Variants in TRAPPC5 observed in about 807,000 individuals in gnomAD.
TRAPPC5 encodes the protein trafficking protein particle complex subunit 5, also known as trafficking protein particle complex 5.
In TRAPPC5, 5 loss-of-function variants were observed where a neutral mutation model predicts 9.8. The ratio of observed to expected loss-of-function variants is 0.51; its 90% CI spans 0.27 to 1.07. The LOEUF (loss-of-function observed/expected upper bound fraction) is 1.07, where lower values mean the gene tolerates loss of function less well. TRAPPC5 is among the 50% of genes least tolerant of loss of function. The pLI is 0.12. For synonymous variants in TRAPPC5, 146 were observed against 140.7 expected, an observed-to-expected ratio of 1.04 and a Z score of -0.26; for missense variants, 243 against 291.5, an observed-to-expected ratio of 0.83 and a Z score of 1.21.
rs1348646424 is a variant in TRAPPC5, at chr19:7,684,327, C to A, written c.*1507C>A. The A allele has an allele frequency of 6.6e-6, 1 of 150,774 alleles. No individual in the cohort carries two copies. The highest frequency in any genetic ancestry group is 1.5e-5 in the Non-Finnish European group (1 of 67,742). 9.3% of individuals were successfully genotyped at this position (150,774 alleles called of 1,614,324 possible). Reference sequence around the variant, plus strand: ...TTGGGAGGCTGAGGCAGGTGGATCACCTGAAGTCAGGAGTTCGAGACCAGC... The same window carrying A: ...TTGGGAGGCTGAGGCAGGTGGATCAACTGAAGTCAGGAGTTCGAGACCAGC... On this transcript the variant is annotated 3_prime_UTR_variant, in exon 2 of 2. Coordinates refer to ENST00000596148, the MANE Select transcript of TRAPPC5 (RefSeq NM_001042462.2).
In TRAPPC5 at chr19:7,683,117, TC is replaced by T; in HGVS notation, c.*299del. On this transcript the variant is annotated 3_prime_UTR_variant, in exon 2 of 2. Coordinates refer to ENST00000596148, the MANE Select transcript of TRAPPC5 (RefSeq NM_001042462.2). ...TCTGCAGGCTGGAGGGGGCATGGGGTCCTGGGAGACGCATCAGGCTGAGACA... is the reference window on the plus strand; with the variant it reads ...TCTGCAGGCTGGAGGGGGCATGGGGTCTGGGAGACGCATCAGGCTGAGACA... 1 of 459,652 alleles carries T rather than the reference TC, an allele frequency of 2.2e-6. No individual in the cohort carries two copies. Among genetic ancestry groups the T allele is most frequent in the Admixed American group, 3.8e-5 (1 of 26,172 alleles). 28.5% of individuals were successfully genotyped at this position (459,652 alleles called of 1,614,324 possible).
rs1172298262 is a variant in TRAPPC5, at chr19:7,685,147, G to C, written c.*2327G>C. On this transcript the variant is annotated 3_prime_UTR_variant, in exon 2 of 2. Coordinates refer to ENST00000596148, the MANE Select transcript of TRAPPC5 (RefSeq NM_001042462.2). ...TAGCTGGGCGTGGTGGCAGGCACCT[G>C]TAATCCCAGCTACTTGGGAGGCTAA... is the stretch of plus-strand genomic sequence containing the variant. 6.6e-6 allele frequency: 1 copy of C among 152,096 alleles called. No individual in the cohort carries two copies. Among genetic ancestry groups the C allele is most frequent in the Admixed American group, 6.5e-5 (1 of 15,268 alleles). The allele number at this position is 152,096 out of a possible 1,614,324, so 9.4% of individuals were successfully genotyped here. A position where few individuals can be genotyped will look rare whatever the true frequency, so the allele number is the denominator to read the frequency against.
At position 7,682,445 on chromosome 19, in the gene TRAPPC5, C is replaced by T. The variant is rs1192760960; in HGVS notation, c.192C>T (p.Arg64=). ...CGCTGGGCCGCCAGGTGGGCGCGCG[C>T]GTGCTGGATGCGCTGGTGGCGCGCG... is the stretch of plus-strand genomic sequence containing the variant. ...LAALGRQVGA[R]VLDALVAREK... is the part of the protein sequence containing the mutation. The change falls in exon 2 of 2, where the codon CGC becomes CGT. Residue 64 remains arginine (R), a synonymous_variant. Coordinates refer to ENST00000596148, the MANE Select transcript of TRAPPC5 (RefSeq NM_001042462.2). The surrounding 1 kb of genome is among the most constrained non-coding windows in gnomAD (Gnocchi z 8.6). 1 of 1,606,824 alleles carries T rather than the reference C, an allele frequency of 6.2e-7. No homozygotes were observed. The highest frequency in any genetic ancestry group is 8.5e-7 in the Non-Finnish European group (1 of 1,177,036).
In TRAPPC5 at chr19:7,682,715, C is replaced by T. The variant is rs1184570332; in HGVS notation, c.462C>T (p.Ser154=). ...TCGTGGAGGCGGTGCTCACACACAG[C>T]GGCTTCCCTGCCAAGGTCACGGCGC... ...AGIVEAVLTH[S]GFPAKVTAHW... Residue 154 remains serine (S), a synonymous_variant, in exon 2 of 2, where the codon AGC becomes AGT. Coordinates refer to ENST00000596148, the MANE Select transcript of TRAPPC5 (RefSeq NM_001042462.2). This position sits in a 1 kb window ranked among gnomAD's most constrained non-coding sequence, Gnocchi z 8.6. 3.7e-6 allele frequency: 6 copies of T among 1,612,326 alleles called. No individual in the cohort carries two copies. The highest frequency in any genetic ancestry group is 2.2e-5 in the East Asian group (1 of 44,804).
Position 7,682,336 on chromosome 19 carries a change from C to T in TRAPPC5, c.83C>T (p.Ala28Val). 6.4e-7 allele frequency: 1 copy of T among 1,552,752 alleles called. No homozygotes were observed. The highest frequency in any genetic ancestry group is 8.7e-7 in the Non-Finnish European group (1 of 1,151,844). ...ARPRTEVSLS[A>V]FALLFSELVQ... is the part of the protein sequence containing the mutation. ...CCGCGCACCGAGGTGAGCCTGAGCG[C>T]CTTCGCACTGCTGTTCTCCGAGCTG... is the stretch of plus-strand genomic sequence containing the variant. The change falls in exon 2 of 2, where the codon GCC becomes GTC. Residue 28 changes from alanine (A) to valine (V), a missense_variant. Ala to Val is a moderately conservative substitution (Grantham distance 64, BLOSUM62 0). This residue lies in a region of TRAPPC5 where 89 missense variants were observed against 75.7 expected (regional missense o/e 1.18). Coordinates refer to ENST00000596148, the MANE Select transcript of TRAPPC5 (RefSeq NM_001042462.2). This position sits in a 1 kb window ranked among gnomAD's most constrained non-coding sequence, Gnocchi z 8.6.
Position 7,683,164 on chromosome 19 carries a change from G to A in TRAPPC5, c.*344G>A. On this transcript the variant is annotated 3_prime_UTR_variant, in exon 2 of 2. Coordinates refer to ENST00000596148, the MANE Select transcript of TRAPPC5 (RefSeq NM_001042462.2). ...AGACAGACGCCTTTAGACTGGGGGTGGGCAAACTGCGCAAAGTGCCAGATG... is the reference window on the plus strand; with the variant it reads ...AGACAGACGCCTTTAGACTGGGGGTAGGCAAACTGCGCAAAGTGCCAGATG... The A allele has an allele frequency of 3.3e-6, 1 of 306,470 alleles. No individual in the cohort carries two copies. The highest frequency in any genetic ancestry group is 6.1e-6 in the Non-Finnish European group (1 of 164,552). The allele number at this position is 306,470 out of a possible 1,614,324, so 19.0% of individuals were successfully genotyped here.
In TRAPPC5 at chr19:7,681,348, G is replaced by GCTCCC. The variant is rs1384323003; in HGVS notation, c.-13+472_-13+476dup. Among the ~76,000 whole-genome samples the GCTCCC allele has an allele frequency of 6.6e-6, 1 of 152,042 alleles. No homozygotes were observed. Among genetic ancestry groups the GCTCCC allele is most frequent in the East Asian group, 1.9e-4 (1 of 5,174 alleles). ...CCCCTCCGATCCCGTCTCGGCGCCC[G>GCTCCC]CTCCCCACCCCATTTCTCTTCAGGA... On this transcript the variant is annotated intron_variant, in intron 1 of 1. Transcript: ENST00000596148. The surrounding 1 kb of genome is among the most constrained non-coding windows in gnomAD (Gnocchi z 8.7).
Position 7,682,230 on chromosome 19 carries a change from G to A in TRAPPC5, c.-12-12G>A. On this transcript the variant is annotated splice_polypyrimidine_tract_variant and intron_variant, in intron 1 of 1. Transcript: ENST00000596148. The surrounding 1 kb of genome is among the most constrained non-coding windows in gnomAD (Gnocchi z 8.6). ...TTGCCCCTGACACCTGCACTTCCTGGTCTCCCCGCAGGGTGGCGGCGGCAT... is the reference window on the plus strand; with the variant it reads ...TTGCCCCTGACACCTGCACTTCCTGATCTCCCCGCAGGGTGGCGGCGGCAT... 2.2e-6 allele frequency: 3 copies of A among 1,384,754 alleles called. No homozygotes were observed. The highest frequency in any genetic ancestry group is 2.8e-6 in the Non-Finnish European group (3 of 1,077,070). The allele number at this position is 1,384,754 out of a possible 1,614,324, so 85.8% of individuals were successfully genotyped here.
chr19:7,686,871 G>C lies in TRAPPC5; in HGVS notation c.*4051G>C, dbSNP rs747424363. ...AGGTTCTCACTGTCGCCCAGGCTGA[G>C]AGCAGGGGCACAATCCTCCCACCTC... On this transcript the variant is annotated 3_prime_UTR_variant, in exon 2 of 2. Coordinates refer to ENST00000596148, the MANE Select transcript of TRAPPC5 (RefSeq NM_001042462.2). The C allele has an allele frequency of 1.3e-5, 2 of 152,122 alleles. No individual in the cohort carries two copies. The highest frequency in any genetic ancestry group is 2.4e-5 in the African/African-American group (1 of 41,388). 9.4% of individuals were successfully genotyped at this position (152,122 alleles called of 1,614,324 possible).
chr19:7,686,100 GA>G lies in TRAPPC5; in HGVS notation c.*3283del, dbSNP rs2032713668. ...AGGCGGGGCTGTGAGGGATGTCAGA[GA>G]AATCGGGAGGGAGGAAGAGGGGCTG... is the stretch of plus-strand genomic sequence containing the variant. On this transcript the variant is annotated 3_prime_UTR_variant, in exon 2 of 2. Transcript: ENST00000596148. 6.6e-6 allele frequency: 1 copy of G among 152,462 alleles called. No homozygotes were observed. The highest frequency in any genetic ancestry group is 2.4e-5 in the African/African-American group (1 of 41,458). The allele number at this position is 152,462 out of a possible 1,614,324, so 9.4% of individuals were successfully genotyped here.
Position 7,682,132 on chromosome 19 carries a change from T to C in TRAPPC5, c.-12-110T>C. The stretch of plus-strand genomic sequence containing the variant: ...AAGTCGGCACTGGAGCACACAACAG[T>C]GGCATGGGTCGAGGGTGTCCCAGGG... On this transcript the variant is annotated intron_variant, in intron 1 of 1. Coordinates refer to ENST00000596148, the MANE Select transcript of TRAPPC5 (RefSeq NM_001042462.2). The surrounding 1 kb of genome is among the most constrained non-coding windows in gnomAD (Gnocchi z 8.6). The C allele has an allele frequency of 1.1e-6, 1 of 870,892 alleles. No homozygotes were observed. The highest frequency in any genetic ancestry group is 2.2e-5 in the South Asian group (1 of 44,550). 53.9% of individuals were successfully genotyped at this position (870,892 alleles called of 1,614,324 possible).
rs1283456370 is a variant in TRAPPC5, at chr19:7,683,207, T to C, written c.*387T>C. 1.9e-5 allele frequency: 4 copies of C among 207,580 alleles called. No homozygotes were observed. The highest frequency in any genetic ancestry group is 5.4e-5 in the Admixed American group (1 of 18,358). The allele number at this position is 207,580 out of a possible 1,614,324, so 12.9% of individuals were successfully genotyped here. ...GCCAGATGGGCAATATTTTATGCCA[T>C]GTGGTCTTTATTATTATTTTTTTTA... On this transcript the variant is annotated 3_prime_UTR_variant, in exon 2 of 2. Coordinates refer to ENST00000596148, the MANE Select transcript of TRAPPC5 (RefSeq NM_001042462.2).
chr19:7,681,062 G>A lies in TRAPPC5; in HGVS notation c.-13+184G>A, dbSNP rs1429334641. The stretch of plus-strand genomic sequence containing the variant: ...CCCCAGTGTAGAGGTACGGGGCGAG[G>A]GTCGCGGGGCCCTGACCCTACGGCA... On this transcript the variant is annotated intron_variant, in intron 1 of 1. Transcript: ENST00000596148. This position sits in a 1 kb window ranked among gnomAD's most constrained non-coding sequence, Gnocchi z 8.7. 7.9e-5 allele frequency: 12 copies of A among 151,710 alleles called. 1 individual carries two copies. The highest frequency in any genetic ancestry group is 7.9e-4 in the Admixed American group (12 of 15,236). The allele number at this position is 151,710 out of a possible 1,614,324, so 9.4% of individuals were successfully genotyped here. A position where few individuals can be genotyped will look rare whatever the true frequency, so the allele number is the denominator to read the frequency against.
rs1342341544 is a variant in TRAPPC5 at position 7,683,165 on chromosome 19, GGCAAACTGC to G, written c.*351_*359del. The G allele has an allele frequency of 3.3e-6, 1 of 302,934 alleles. No homozygotes were observed. The highest frequency in any genetic ancestry group is 2.2e-5 in the African/African-American group (1 of 46,200). 18.8% of individuals were successfully genotyped at this position (302,934 alleles called of 1,614,324 possible). A position where few individuals can be genotyped will look rare whatever the true frequency, so the allele number is the denominator to read the frequency against. On this transcript the variant is annotated 3_prime_UTR_variant, in exon 2 of 2. Transcript: ENST00000596148. ...GACAGACGCCTTTAGACTGGGGGTGGGCAAACTGCGCAAAGTGCCAGATGGGCAATATTT... is the reference window on the plus strand; with the variant it reads ...GACAGACGCCTTTAGACTGGGGGTGGGCAAAGTGCCAGATGGGCAATATTT...
chr19:7,682,732 TCACGG>T lies in TRAPPC5; in HGVS notation c.481_485del (p.Thr161AlafsTer88). 6.2e-7 allele frequency: 1 copy of T among 1,612,216 alleles called. No individual in the cohort carries two copies. The highest frequency in any genetic ancestry group is 1.1e-5 in the South Asian group (1 of 90,770). ...ACACACAGCGGCTTCCCTGCCAAGGTCACGGCGCACTGGCACAAGGGCACCACGCT... is the reference window on the plus strand; with the variant it reads ...ACACACAGCGGCTTCCCTGCCAAGGTCGCACTGGCACAAGGGCACCACGCT... On this transcript the variant is annotated frameshift_variant, in exon 2 of 2. Coordinates refer to ENST00000596148, the MANE Select transcript of TRAPPC5 (RefSeq NM_001042462.2). LOFTEE classifies it high-confidence loss of function. The surrounding 1 kb of genome is among the most constrained non-coding windows in gnomAD (Gnocchi z 8.6).
Position 7,683,019 on chromosome 19 carries a change from T to G in TRAPPC5, c.*199T>G. 1 of 591,788 alleles carries G rather than the reference T, an allele frequency of 1.7e-6. No homozygotes were observed. The highest frequency in any genetic ancestry group is 2.9e-6 in the Non-Finnish European group (1 of 339,850). The allele number at this position is 591,788 out of a possible 1,614,324, so 36.7% of individuals were successfully genotyped here. Reference sequence around the variant, plus strand: ...GGGGGTTGAGTGAGACCAGGAGTGGTGGGGAGAAATAAACCCGGCAAAAGG... The same window carrying G: ...GGGGGTTGAGTGAGACCAGGAGTGGGGGGGAGAAATAAACCCGGCAAAAGG... On this transcript the variant is annotated 3_prime_UTR_variant, in exon 2 of 2. Transcript: ENST00000596148.
Position 7,682,333 on chromosome 19 carries a change from G to T in TRAPPC5, c.80G>T (p.Ser27Ile). 1 of 1,543,992 alleles carries T rather than the reference G, an allele frequency of 6.5e-7. No homozygotes were observed. ...LARPRTEVSLSAFALLFSELV... is the reference protein window; with the variant it reads ...LARPRTEVSLIAFALLFSELV... ...CGGCCGCGCACCGAGGTGAGCCTGA[G>T]CGCCTTCGCACTGCTGTTCTCCGAG... The change falls in exon 2 of 2, where the codon AGC becomes ATC. Residue 27 changes from serine (S) to isoleucine (I), a missense_variant. By Grantham distance (142) the Ser-to-Ile change is moderately radical. Coordinates refer to ENST00000596148, the MANE Select transcript of TRAPPC5 (RefSeq NM_001042462.2). The surrounding 1 kb of genome is among the most constrained non-coding windows in gnomAD (Gnocchi z 8.6).
Position 7,681,784 on chromosome 19 carries a change from A to T in TRAPPC5, c.-12-458A>T, listed in dbSNP as rs1568482581. Among the ~76,000 whole-genome samples, 1 of 151,664 alleles carries T rather than the reference A, an allele frequency of 6.6e-6. No individual in the cohort carries two copies. ...TGGAGCGCAGGGCGGGGCAGGAGCG[A>T]CTGCCCATATCCCCTCGTGGTGCCT... On this transcript the variant is annotated intron_variant, in intron 1 of 1. Transcript: ENST00000596148. The surrounding 1 kb of genome is among the most constrained non-coding windows in gnomAD (Gnocchi z 8.7).
In TRAPPC5 at chr19:7,685,812, G is replaced by C. The variant is rs1314308396; in HGVS notation, c.*2992G>C. On this transcript the variant is annotated 3_prime_UTR_variant, in exon 2 of 2. Transcript: ENST00000596148. ...ATGATAGCCTGAATCTGGAATGAGG[G>C]GGAGGCGTCTAGGGGGCCAGCAGAT... is the stretch of plus-strand genomic sequence containing the variant. 1 of 152,628 alleles carries C rather than the reference G, an allele frequency of 6.6e-6. No individual in the cohort carries two copies. The highest frequency in any genetic ancestry group is 1.5e-5 in the Non-Finnish European group (1 of 68,372). 9.5% of individuals were successfully genotyped at this position (152,628 alleles called of 1,614,324 possible).
Sources: gnomAD v4.1 joint callset for allele counts (sites outside exome capture counted in the v4.1 genomes callset) on GRCh38, gnomAD v4.1.1 for gene constraint, gnomAD v4.1.1 regional missense constraint, Gnocchi (gnomAD v3.1) non-coding constraint, MANE v1.5 for transcripts, NCBI Gene and HGNC (gene_info 2026-07-23, HGNC 2026-07-21) for gene names.